Variants in PCDH15 observed in about 807,000 individuals in gnomAD.
The protein encoded by PCDH15 is protocadherin related 15.
In PCDH15, 129 loss-of-function variants were observed where a neutral mutation model predicts 178.5. The ratio of observed to expected loss-of-function variants is 0.72; its 90% confidence interval spans 0.63 to 0.84. The LOEUF (loss-of-function observed/expected upper bound fraction) is 0.84, where lower values mean the gene tolerates loss of function less well. Among genes scored for constraint, PCDH15 ranks in the 40% least tolerant of loss-of-function variants. PCDH15 has a pLI of 0.00. For synonymous variants in PCDH15, 800 were observed against 732.0 expected (o/e 1.09, Z -1.50); for missense variants, 2,230 against 2,099.9 (o/e 1.06, Z -1.21).
chr10:55,335,352 G>C (rs1844355946), intron 2 of PCDH15, among the ~76,000 whole-genome samples: 1 of 152,178 alleles, frequency 6.6e-6, no homozygotes, highest in African/African-American at 2.4e-5. Context: ...GAGTGTCAGA[G>C]AGGGAAAGAG....
At chr10:54,412,850 T>C (rs913131009) in intron 3 of PCDH15, among the ~76,000 whole-genome samples, 3 of 152,050 alleles carry the variant, frequency 2.0e-5, no homozygotes, top group African/African-American at 4.8e-5. Flanking sequence ...GCCTCCTGAG[T>C]AGCTGGGATT....
In PCDH15 at chr10:53,802,951, T is replaced by C. The variant is rs994160852; in HGVS notation, c.*3628A>G. The C allele has an allele frequency of 6.6e-6, 1 of 151,816 alleles. No individual in the cohort carries two copies. Among genetic ancestry groups the C allele is most frequent in the African/African-American group, 2.4e-5 (1 of 41,398 alleles). The allele number at this position is 151,816 out of a possible 1,614,324, so 9.4% of individuals were successfully genotyped here. A position where few individuals can be genotyped will look rare whatever the true frequency, so the allele number is the denominator to read the frequency against. On this transcript the variant is annotated 3_prime_UTR_variant, in exon 38 of 38. Coordinates refer to ENST00000644397, the MANE Select transcript of PCDH15 (RefSeq NM_001384140.1). Reference sequence around the variant, plus strand: ...GATAGATTTTTCAAACTATAGACAATGTTCGAATCTTCCATACATGTGCTT... The same window carrying C: ...GATAGATTTTTCAAACTATAGACAACGTTCGAATCTTCCATACATGTGCTT...
intron 25 of PCDH15, among the ~76,000 whole-genome samples, chr10:53,917,042 A>C (rs1456879470): frequency 1.3e-5 from 2 of 152,186 alleles, no homozygotes; most frequent in Non-Finnish European, 2.9e-5. Context: ...AGTACACATC[A>C]AATAATGTAG....
chr10:53,991,943 C>G (rs1370843539), intron 21 of PCDH15, among the ~76,000 whole-genome samples: 1 of 152,130 alleles, frequency 6.6e-6, no homozygotes, highest in African/African-American at 2.4e-5. Flanking sequence ...CCCAAGCCAG[C>G]AGCCGCAACC....
At chr10:53,810,721 C>A in intron 36 of PCDH15, 57 bp from the exon 37 acceptor site, 1 of 1,429,902 alleles carries the variant, frequency 7.0e-7, no homozygotes, top group Non-Finnish European at 9.9e-7. Context: ...GTAGAATCTA[C>A]CATGAGTGAT....
At chr10:55,036,332 C>A (rs777292106) in intron 2 of PCDH15, among the ~76,000 whole-genome samples, 6 of 152,162 alleles carry the variant, frequency 3.9e-5, no homozygotes, top group Non-Finnish European at 7.3e-5. Flanking sequence ...ACAAAACACA[C>A]TGAAATAACT....
intron 1 of PCDH15, among the ~76,000 whole-genome samples, chr10:54,772,173 A>G (rs1949170675): frequency 6.6e-6 from 1 of 152,164 alleles, no homozygotes; most frequent in Non-Finnish European, 1.5e-5. Flanking sequence ...TTTTATAGCT[A>G]TATAATATTA....
At chr10:54,198,118 T>C (rs2049858662) in intron 10 of PCDH15, among the ~76,000 whole-genome samples, 1 of 152,192 alleles carries the variant, frequency 6.6e-6, no homozygotes, top group Admixed American at 6.5e-5. Context: ...TGGGATTATG[T>C]ATCCATCTCA....
chr10:55,138,230 G>A (rs200068427), intron 2 of PCDH15, among the ~76,000 whole-genome samples: 2 of 152,048 alleles, frequency 1.3e-5, no homozygotes, highest in African/African-American at 4.8e-5. Context: ...GCAATATTTA[G>A]TAAATACTTA....
chr10:54,023,075 G>A lies in PCDH15; in HGVS notation c.2343C>T (p.Val781=). 5 of 1,613,940 alleles carry A rather than the reference G, an allele frequency of 3.1e-6. No individual in the cohort carries two copies. Among genetic ancestry groups the A allele is most frequent in the Non-Finnish European group, 4.2e-6 (5 of 1,179,906 alleles). ...CAACAACAAGTTCATAGTAGTCCCT[G>A]ACTTCTCTGTTAAGCTTCACTGCTG... is the stretch of plus-strand genomic sequence containing the variant. ...IYTAVKLNRE[V]RDYYELVVVA... Residue 781 remains valine (V), a synonymous_variant, in exon 19 of 38, where the codon GTC becomes GTT. Transcript: ENST00000644397.
intron 2 of PCDH15, among the ~76,000 whole-genome samples, chr10:55,374,570 T>C (rs923025691): frequency 6.6e-6 from 1 of 152,036 alleles, no homozygotes; most frequent in Admixed American, 6.6e-5. Context: ...GTCAGAAACT[T>C]AATATGAGAA....
At chr10:54,487,547 G>A (rs986511905) in intron 3 of PCDH15, among the ~76,000 whole-genome samples, 3 of 151,922 alleles carry the variant, frequency 2.0e-5, no homozygotes, top group African/African-American at 4.8e-5. Flanking sequence ...GCTTTATGAG[G>A]TTTATTTAAG....
chr10:54,293,008 G>C (rs1009274758), intron 8 of PCDH15, among the ~76,000 whole-genome samples: 1 of 152,104 alleles, frequency 6.6e-6, no homozygotes, highest in African/African-American at 2.4e-5. Context: ...GCATTGCCAA[G>C]ACAATCCTAA....
chr10:54,037,491 A>G (rs1277827280), intron 18 of PCDH15, among the ~76,000 whole-genome samples: 1 of 151,952 alleles, frequency 6.6e-6, no homozygotes, highest in Non-Finnish European at 1.5e-5. Context: ...GATGATTGAC[A>G]GTATTTTTTT....
At chr10:55,257,783 A>C (rs1392488902) in intron 1 of PCDH15, among the ~76,000 whole-genome samples, 2 of 152,144 alleles carry the variant, frequency 1.3e-5, no homozygotes, top group East Asian at 3.9e-4. Context: ...AATGGAACCA[A>C]GTTGGAAAAC....
At chr10:54,593,146 C>CT (rs1344099628) in intron 2 of PCDH15, among the ~76,000 whole-genome samples, 1 of 151,960 alleles carries the variant, frequency 6.6e-6, no homozygotes, top group African/African-American at 2.4e-5. Flanking sequence ...TTGATTGTTT[C>CT]TTTTACTGTG....
intron 2 of PCDH15, among the ~76,000 whole-genome samples, chr10:55,155,928 T>TCC (rs895248206): frequency 5.9e-5 from 9 of 152,228 alleles, no homozygotes; most frequent in African/African-American, 1.9e-4. Flanking sequence ...TCACTAAGCC[T>TCC]CCATTTACAT....
At chr10:55,431,650 T>G (rs1838882541) in intron 2 of PCDH15, among the ~76,000 whole-genome samples, 1 of 152,198 alleles carries the variant, frequency 6.6e-6, no homozygotes, top group Non-Finnish European at 1.5e-5. Context: ...AGACAAATTT[T>G]CTTGTTATTG....
At chr10:54,311,358 A>G (rs7088566) in intron 8 of PCDH15, among the ~76,000 whole-genome samples, 31,476 of 152,002 alleles carry the variant, frequency 0.21, 3,323 homozygotes, top group Admixed American at 0.23. Context: ...GCAAACACAT[A>G]AATGTATGCT....
Sources: gnomAD v4.1 joint callset for allele counts (sites outside exome capture counted in the v4.1 genomes callset) on GRCh38, gnomAD v4.1.1 for gene constraint, MANE v1.5 for transcripts, NCBI Gene and HGNC (gene_info 2026-07-23, HGNC 2026-07-21) for gene names.